The following CRB1 variants were observed in gnomAD, a reference collection of about 807,000 sequenced individuals.
CRB1 encodes crumbs cell polarity complex component 1, also known as protein crumbs homolog 1.
Under a neutral mutation model 120.0 loss-of-function variants are expected in CRB1, and 83 were observed. The observed-to-expected ratio is 0.69, with a 90% confidence interval of 0.58 to 0.83. The LOEUF is 0.83. Among genes scored for constraint, CRB1 ranks in the 40% least tolerant of loss-of-function variants. The probability of loss-of-function intolerance (pLI) is 0.00; values close to 1 mark genes in which losing one functional copy is unlikely to be tolerated. For missense variants in CRB1, 1,699 were observed against 1,687.6 expected, an observed-to-expected ratio of 1.01 and a Z score of -0.12; for synonymous variants, 625 against 612.5, an observed-to-expected ratio of 1.02 and a Z score of -0.30.
the CRB1 span, among the ~76,000 whole-genome samples, chr1:197,208,172 G>T: frequency 6.6e-6 from 1 of 151,320 alleles, no homozygotes; most frequent in African/African-American, 2.4e-5. Flanking sequence ...CCTTTCTCTG[G>T]TACCTCCTTG....
rs1011320296 is a variant in CRB1 at position 197,427,498 on chromosome 1, G to A, written c.2173G>A (p.Val725Ile). 3 of 1,613,802 alleles carry A rather than the reference G, an allele frequency of 1.9e-6. No homozygotes were observed. Among genetic ancestry groups the A allele is most frequent in the Non-Finnish European group, 2.5e-6 (3 of 1,179,932 alleles). The change falls in exon 7 of 12, where the codon GTC becomes ATC. Residue 725 changes from valine to isoleucine, a missense_variant. Val to Ile is a conservative substitution (Grantham distance 29). Transcript: ENST00000367400. ...TGGCCAGGATGACTCCACTGGTTAT[G>A]TCATCTTTACTCTTGATGAGAGCTA... ...RFGQDDSTGY[V>I]IFTLDESYGD...
chr1:197,267,213 A>G (rs1408547663), upstream of CRB1, among the ~76,000 whole-genome samples: 1 of 152,152 alleles, frequency 6.6e-6, no homozygotes, highest in Non-Finnish European at 1.5e-5. Context: ...CTTTTACTCT[A>G]ATTGTTAAAT....
At chr1:197,256,538 T>C in the CRB1 span, among the ~76,000 whole-genome samples, 12 of 152,094 alleles carry the variant, frequency 7.9e-5, no homozygotes, top group Non-Finnish European at 1.5e-4. Context: ...TAAAATTTAA[T>C]ATGTGTAAAT....
the CRB1 span, among the ~76,000 whole-genome samples, chr1:197,212,279 G>C: frequency 6.6e-6 from 1 of 151,954 alleles, no homozygotes; most frequent in Non-Finnish European, 1.5e-5. Context: ...CCTTATCCAA[G>C]AGAAATAAAA....
rs1411511716 is a variant in CRB1, at chr1:197,421,431, C to T, written c.1603C>T (p.Leu535=). ...AAGCAACAGGGATGTGTTTGTGAAG[C>T]TGGAGCTGCTAAGTGGCTACATTCA... ...FRSNRDVFVK[L]ELLSGYIHLS... Residue 535 remains leucine (L), a synonymous_variant, in exon 6 of 12, where the codon CTG becomes TTG. Transcript: ENST00000367400. 1 of 1,614,106 alleles carries T rather than the reference C, an allele frequency of 6.2e-7. No individual in the cohort carries two copies. The highest frequency in any genetic ancestry group is 8.5e-7 in the Non-Finnish European group (1 of 1,180,062).
the CRB1 span, among the ~76,000 whole-genome samples, chr1:197,229,427 T>C: frequency 6.9e-6 from 1 of 145,506 alleles, no homozygotes; most frequent in Non-Finnish European, 1.5e-5. Flanking sequence ...GTCTTTTCCC[T>C]TCCCCCAATC....
At chr1:197,475,928 G>T (rs1667177067) in intron 11 of CRB1, among the ~76,000 whole-genome samples, 2 of 151,462 alleles carry the variant, frequency 1.3e-5, no homozygotes, top group South Asian at 4.2e-4. Context: ...TTTTTGTTTT[G>T]AGACAGAGTT....
Position 197,329,095 on chromosome 1 carries a change from T to C in CRB1, c.652+92T>C. ...TGACATTTTATTTTTCACACAATCA[T>C]TTATGAAAATGGCCAAGTTCTTGAC... On this transcript the variant is annotated intron_variant, in intron 2 of 11. Coordinates refer to ENST00000367400, the MANE Select transcript of CRB1 (RefSeq NM_201253.3). The C allele has an allele frequency of 8.8e-6, 10 of 1,142,376 alleles. No homozygotes were observed. In the South Asian group the frequency reaches 1.2e-4, roughly 13 times the overall value. The allele number at this position is 1,142,376 out of a possible 1,614,324, so 70.8% of individuals were successfully genotyped here.
chr1:197,330,913 G>A (rs575250294), intron 2 of CRB1, among the ~76,000 whole-genome samples: 3 of 152,180 alleles, frequency 2.0e-5, no homozygotes, highest in Non-Finnish European at 2.9e-5. Context: ...AGGAGTCCTC[G>A]GCCAGGCGCG....
chr1:197,292,523 A>G (rs984183366), intron 1 of CRB1, among the ~76,000 whole-genome samples: 6 of 152,112 alleles, frequency 3.9e-5, no homozygotes, highest in Non-Finnish European at 8.8e-5. Flanking sequence ...TATTCAAATC[A>G]ATAGAAAAAG....
At position 197,314,468 on chromosome 1, in the gene CRB1, T is replaced by G. The variant is rs1417611252; in HGVS notation, c.71-13954T>G. Among the ~76,000 whole-genome samples, 9 of 152,322 alleles carry G rather than the reference T, an allele frequency of 5.9e-5. 1 individual carries two copies. On this transcript the variant is annotated intron_variant, in intron 1 of 11. Transcript: ENST00000367400. ...TGAAAAATATTAAGTTCTTGCAAGC[T>G]AATTTCAACAGTTATGTCATTTCAA...
chr1:197,333,833 T>A (rs1658996504), intron 2 of CRB1, among the ~76,000 whole-genome samples: 1 of 152,208 alleles, frequency 6.6e-6, no homozygotes, highest in Non-Finnish European at 1.5e-5. Flanking sequence ...GGACCTGGCC[T>A]GGGAGAGTGG....
chr1:197,468,166 C>T (rs1343629206), intron 11 of CRB1, among the ~76,000 whole-genome samples: 4 of 151,998 alleles, frequency 2.6e-5, no homozygotes, highest in Non-Finnish European at 5.9e-5. Context: ...ACTTCTTTAC[C>T]TCATTCTCCC....
At chr1:197,476,647 A>G (rs543488733) in intron 11 of CRB1, among the ~76,000 whole-genome samples, 2 of 152,138 alleles carry the variant, frequency 1.3e-5, no homozygotes, top group African/African-American at 4.8e-5. Flanking sequence ...CACAGGGGAC[A>G]ATAAAAAGAG....
At chr1:197,450,585 C>T (rs1286463761) in intron 11 of CRB1, among the ~76,000 whole-genome samples, 1 of 151,816 alleles carries the variant, frequency 6.6e-6, no homozygotes, top group African/African-American at 2.4e-5. Context: ...AAGCATGAAA[C>T]TGCCTTCACA....
intron 5 of CRB1, among the ~76,000 whole-genome samples, chr1:197,385,194 T>C (rs1271347602): frequency 2.6e-5 from 4 of 152,214 alleles, no homozygotes; most frequent in African/African-American, 9.6e-5. Flanking sequence ...CCTGCTATTG[T>C]TAATTAGTCG....
At chr1:197,367,659 C>T (rs1238527846) in intron 5 of CRB1, among the ~76,000 whole-genome samples, 1 of 152,082 alleles carries the variant, frequency 6.6e-6, no homozygotes, top group African/African-American at 2.4e-5. Context: ...GTTTCCAAAC[C>T]ATCTCATCCA....
chr1:197,401,177 T>C (rs1663046962), intron 5 of CRB1, among the ~76,000 whole-genome samples: 2 of 152,150 alleles, frequency 1.3e-5, no homozygotes, highest in Admixed American at 6.5e-5. Flanking sequence ...CTTCTCATTT[T>C]CTGTTATTGT....
the CRB1 span, among the ~76,000 whole-genome samples, chr1:197,241,252 GT>G: frequency 6.6e-6 from 1 of 152,128 alleles, no homozygotes; most frequent in South Asian, 2.1e-4. Context: ...TGCTTTTGAT[GT>G]TTTAGTCATG....
Sources: gnomAD v4.1 joint callset for allele counts (sites outside exome capture counted in the v4.1 genomes callset) on GRCh38, gnomAD v4.1.1 for gene constraint, MANE v1.5 for transcripts, NCBI Gene and HGNC (gene_info 2026-07-23, HGNC 2026-07-21) for gene names.